Variants in MAP2K6 observed in about 807,000 individuals in gnomAD.
The protein encoded by MAP2K6 is dual specificity mitogen-activated protein kinase kinase 6.
A neutral mutation model predicts 53.7 loss-of-function variants in MAP2K6; 16 were observed. The ratio of observed to expected loss-of-function variants is 0.30; its 90% confidence interval spans 0.20 to 0.45. The LOEUF (loss-of-function observed/expected upper bound fraction) is 0.45, where lower values mean the gene tolerates loss of function less well. MAP2K6 is among the 20% of genes least tolerant of loss of function. The probability of loss-of-function intolerance (pLI) is 1.00; values close to 1 mark genes in which losing one functional copy is unlikely to be tolerated. For missense variants in MAP2K6, 204 were observed against 411.9 expected (o/e 0.50, Z 4.37); for synonymous variants, 132 against 143.1 (o/e 0.92, Z 0.55).
Position 69,428,931 on chromosome 17 carries a change from A to AACACACACACAC in MAP2K6, c.16+13948_16+13959dup, listed in dbSNP as rs140138538. 4.2e-3 allele frequency among the ~76,000 whole-genome samples: 581 copies of AACACACACACAC among 137,318 alleles called. 3 individuals are homozygous for AACACACACACAC. The highest frequency in any genetic ancestry group is 4.9e-3 in the Non-Finnish European group (315 of 64,718). 90.1% of individuals were successfully genotyped at this position (137,318 alleles called of 152,430 possible). A position where few individuals can be genotyped will look rare whatever the true frequency, so the allele number is the denominator to read the frequency against. ...TAAACTGGGGTGTGTTAAATTAGAG[A>AACACACACACAC]ACACACACACACACACACACACACA... On this transcript the variant is annotated intron_variant, in intron 1 of 11. Transcript: ENST00000590474.
chr17:69,481,458 A>G (rs1161969052), intron 1 of MAP2K6, among the ~76,000 whole-genome samples: 1 of 152,188 alleles, frequency 6.6e-6, no homozygotes, highest in Admixed American at 6.5e-5. Context: ...TAATACTGCT[A>G]TGAACATGGG....
rs1293132324 is a variant in MAP2K6 at position 69,543,041 on chromosome 17, G to A, written c.*1288G>A. ...CCTCTATAGGAGATGAGCTTCATTG[G>A]GAGTTCCTAGCAAGTTGACTAAACA... On this transcript the variant is annotated 3_prime_UTR_variant, in exon 12 of 12. Coordinates refer to ENST00000590474, the MANE Select transcript of MAP2K6 (RefSeq NM_002758.4). 6.6e-6 allele frequency: 1 copy of A among 152,100 alleles called. No homozygotes were observed. The highest frequency in any genetic ancestry group is 1.5e-5 in the Non-Finnish European group (1 of 68,034). 9.4% of individuals were successfully genotyped at this position (152,100 alleles called of 1,614,324 possible). A position where few individuals can be genotyped will look rare whatever the true frequency, so the allele number is the denominator to read the frequency against.
At position 69,515,160 on chromosome 17, in the gene MAP2K6, C is replaced by CTTT. The variant is rs879532445; in HGVS notation, c.84-1683_84-1681dup. The stretch of plus-strand genomic sequence containing the variant: ...TTAACAATTTGTTTCTCGAAATTTG[C>CTTT]TTTTTTTTTTTTTTAATACAGAGTC... On this transcript the variant is annotated intron_variant, in intron 2 of 11. Transcript: ENST00000590474. 3.1e-4 allele frequency among the ~76,000 whole-genome samples: 43 copies of CTTT among 138,744 alleles called. 1 individual carries two copies. In the East Asian group the frequency reaches 7.8e-3, roughly 25 times the overall value. 91.0% of individuals were successfully genotyped at this position (138,744 alleles called of 152,430 possible). A position where few individuals can be genotyped will look rare whatever the true frequency, so the allele number is the denominator to read the frequency against.
intron 1 of MAP2K6, among the ~76,000 whole-genome samples, chr17:69,449,531 GT>G (rs1693765455): frequency 9.7e-6 from 1 of 103,386 alleles, no homozygotes; most frequent in African/African-American, 4.7e-5. Context: ...TTCTTTCTTT[GT>G]CTTTCTTTCT....
At chr17:69,506,289 G>A (rs552925561) in intron 2 of MAP2K6, among the ~76,000 whole-genome samples, 1 of 114,436 alleles carries the variant, frequency 8.7e-6, no homozygotes, top group East Asian at 2.7e-4. Flanking sequence ...GGAAGAATGA[G>A]GTAAAGGAAC....
intron 1 of MAP2K6, among the ~76,000 whole-genome samples, chr17:69,415,854 C>T (rs1453158889): frequency 2.0e-5 from 3 of 152,116 alleles, no homozygotes; most frequent in African/African-American, 4.8e-5. Flanking sequence ...TGGAAGTTCA[C>T]GTTATGGTTG....
At chr17:69,541,569 G>T in intron 11 of MAP2K6, 107 bp from the exon 12 acceptor site, 1 of 768,840 alleles carries the variant, frequency 1.3e-6, no homozygotes. Context: ...GCCTAGCTCT[G>T]ATAGGGATAC....
chr17:69,500,301 G>A (rs1488769771), intron 1 of MAP2K6, among the ~76,000 whole-genome samples: 1 of 151,712 alleles, frequency 6.6e-6, no homozygotes, highest in Non-Finnish European at 1.5e-5. Context: ...TTAGGCGGGT[G>A]GGGTGGCACG....
rs1393286618 is a variant in MAP2K6, at chr17:69,548,173, GAGT to G, written c.*6422_*6424del. ...TTGTGCTGTCCCACAAAAGTGAGAG[GAGT>G]ACTTCTCTTTTTTTAAATCATCAGT... On this transcript the variant is annotated 3_prime_UTR_variant, in exon 12 of 12. Transcript: ENST00000590474. 2.0e-5 allele frequency: 3 copies of G among 152,176 alleles called. No individual in the cohort carries two copies. The highest frequency in any genetic ancestry group is 4.4e-5 in the Non-Finnish European group (3 of 68,024). 9.4% of individuals were successfully genotyped at this position (152,176 alleles called of 1,614,324 possible).
At chr17:69,514,559 T>C (rs1354321948) in intron 2 of MAP2K6, among the ~76,000 whole-genome samples, 1 of 151,898 alleles carries the variant, frequency 6.6e-6, no homozygotes, top group Non-Finnish European at 1.5e-5. Flanking sequence ...GTATTTCTCT[T>C]TTTTTTTGTT....
intron 8 of MAP2K6, among the ~76,000 whole-genome samples, chr17:69,524,533 C>T (rs541128865): frequency 6.6e-6 from 1 of 151,882 alleles, no homozygotes; most frequent in Non-Finnish European, 1.5e-5. Flanking sequence ...TAGCATGGGA[C>T]AGTAGCCCAG....
At chr17:69,470,792 C>T in intron 1 of MAP2K6, among the ~76,000 whole-genome samples, 1 of 152,284 alleles carries the variant, frequency 6.6e-6, no homozygotes, top group East Asian at 1.9e-4. Flanking sequence ...TCTGCCTAGC[C>T]CTCTGGACAC....
intron 1 of MAP2K6, among the ~76,000 whole-genome samples, chr17:69,470,616 A>G (rs1907955968): frequency 6.6e-6 from 1 of 152,220 alleles, no homozygotes; most frequent in Non-Finnish European, 1.5e-5. Flanking sequence ...GTGAAGTGCC[A>G]TCTCATGGCT....
intron 9 of MAP2K6, 103 bp from the exon 10 acceptor site, chr17:69,526,467 C>T: frequency 7.8e-7 from 1 of 1,285,162 alleles, no homozygotes; most frequent in Non-Finnish European, 1.1e-6. Flanking sequence ...TATACTTGAA[C>T]TTTGCCTTGT....
intron 1 of MAP2K6, among the ~76,000 whole-genome samples, chr17:69,469,367 G>A (rs1216834915): frequency 6.6e-6 from 1 of 152,204 alleles, no homozygotes; most frequent in African/African-American, 2.4e-5. Flanking sequence ...TTTTGTCATG[G>A]AAGGTAACAT....
chr17:69,513,690 A>C (rs1909988558), intron 2 of MAP2K6, among the ~76,000 whole-genome samples: 1 of 152,162 alleles, frequency 6.6e-6, no homozygotes, highest in Non-Finnish European at 1.5e-5. Flanking sequence ...CACAGGCTGT[A>C]ATTTGCTGAG....
At chr17:69,525,582 A>G (rs1265186703) in intron 9 of MAP2K6, among the ~76,000 whole-genome samples, 1 of 152,200 alleles carries the variant, frequency 6.6e-6, no homozygotes, top group Admixed American at 6.5e-5. Flanking sequence ...CGGAAGGTGA[A>G]AGGCACATCT....
intron 1 of MAP2K6, chr17:69,434,372 C>T (rs2145140920): frequency 6.6e-6 from 1 of 152,362 alleles, no homozygotes; most frequent in South Asian, 2.1e-4. Flanking sequence ...ACATTCCTGC[C>T]TGCCAAGAAC....
chr17:69,501,759 AT>A (rs1909184709), intron 1 of MAP2K6: 1 of 151,930 alleles, frequency 6.6e-6, no homozygotes, highest in South Asian at 2.1e-4. Flanking sequence ...AATCTACAGA[AT>A]TCTCTGTTTC....
Sources: gnomAD v4.1 joint callset for allele counts (sites outside exome capture counted in the v4.1 genomes callset) on GRCh38, gnomAD v4.1.1 for gene constraint, MANE v1.5 for transcripts, NCBI Gene and HGNC (gene_info 2026-07-23, HGNC 2026-07-21) for gene names.